Variants in CEP85L observed in about 807,000 individuals in gnomAD.
The protein encoded by CEP85L is centrosomal protein 85L.
Under a neutral mutation model 100.3 loss-of-function variants are expected in CEP85L, and 60 were observed. That is an observed-to-expected ratio of 0.60 (90% CI 0.49 to 0.74). CEP85L has a LOEUF of 0.74. CEP85L is among the 30% of genes least tolerant of loss of function. CEP85L has a pLI of 0.00. For missense variants in CEP85L, 973 were observed against 936.2 expected (o/e 1.04, Z -0.51); for synonymous variants, 319 against 322.7 (o/e 0.99, Z 0.12).
intron 3 of CEP85L, chr6:118,538,059 T>A (rs1213596281): frequency 4.2e-6 from 2 of 477,470 alleles, no homozygotes; most frequent in South Asian, 9.1e-5. Context: ...AATTATGTTA[T>A]TACTAAAAGA....
At chr6:118,528,204 CTTTTCT>C (rs912819877) in intron 3 of CEP85L, among the ~76,000 whole-genome samples, 1 of 147,950 alleles carries the variant, frequency 6.8e-6, no homozygotes, top group Non-Finnish European at 1.5e-5. Flanking sequence ...AGTGGCTTTT[CTTTTCT>C]TTTTCTTTTT....
At chr6:118,491,959 T>C (rs1268267003) in intron 5 of CEP85L, 94 bp from the exon 6 acceptor site, 1 of 848,488 alleles carries the variant, frequency 1.2e-6, no homozygotes. Flanking sequence ...AAGGAGTACA[T>C]ATAGGCTACA....
At chr6:118,623,412 T>C (rs1583184336) in intron 2 of CEP85L, among the ~76,000 whole-genome samples, 2 of 152,204 alleles carry the variant, frequency 1.3e-5, no homozygotes, top group African/African-American at 4.8e-5. Context: ...TCTTACTTCA[T>C]GAAATAATTC....
At chr6:118,497,292 A>G (rs1221866758) in intron 5 of CEP85L, among the ~76,000 whole-genome samples, 1 of 152,170 alleles carries the variant, frequency 6.6e-6, no homozygotes, top group East Asian at 1.9e-4. Context: ...CATTTCCAAC[A>G]TCATATCTTT....
chr6:118,470,822 C>A (rs1258885562), intron 10 of CEP85L, among the ~76,000 whole-genome samples, 178 bp from the exon 11 acceptor site: 3 of 151,906 alleles, frequency 2.0e-5, no homozygotes, highest in Non-Finnish European at 4.4e-5. Flanking sequence ...GTGGCTGAAT[C>A]CAAATAAAAA....
chr6:118,584,821 T>C (rs913796993), intron 2 of CEP85L, among the ~76,000 whole-genome samples: 1 of 152,214 alleles, frequency 6.6e-6, no homozygotes, highest in African/African-American at 2.4e-5. Flanking sequence ...ACTGCACTTT[T>C]GGGGGAGCCT....
intron 1 of CEP85L, among the ~76,000 whole-genome samples, chr6:118,678,288 C>T (rs556373028): frequency 4.6e-5 from 7 of 152,318 alleles, no homozygotes; most frequent in South Asian, 2.1e-4. Flanking sequence ...GTGGGAGCCA[C>T]GGCTTTGTAA....
At chr6:118,659,271 C>G (rs1775894701) in intron 1 of CEP85L, among the ~76,000 whole-genome samples, 1 of 152,260 alleles carries the variant, frequency 6.6e-6, no homozygotes, top group South Asian at 2.1e-4. Context: ...ACTCCTCATG[C>G]ATATGCTGTG....
intron 10 of CEP85L, among the ~76,000 whole-genome samples, chr6:118,477,754 A>G (rs2114498982): frequency 6.6e-6 from 1 of 152,258 alleles, no homozygotes; most frequent in African/African-American, 2.4e-5. Flanking sequence ...TAGAATGGAA[A>G]AACCAAGCAC....
intron 6 of CEP85L, among the ~76,000 whole-genome samples, chr6:118,486,678 A>G (rs534915814): frequency 6.6e-6 from 1 of 152,206 alleles, no homozygotes; most frequent in South Asian, 2.1e-4. Flanking sequence ...TGCCCTCTAC[A>G]TCTATCCCCT....
chr6:118,706,456 T>A (rs920274116), intron 1 of CEP85L, among the ~76,000 whole-genome samples: 2 of 152,196 alleles, frequency 1.3e-5, no homozygotes, highest in Non-Finnish European at 2.9e-5. Context: ...TTGGCAAGCT[T>A]TTTCTTTCTA....
At chr6:118,514,772 G>C (rs1453431195) in intron 4 of CEP85L, among the ~76,000 whole-genome samples, 1 of 151,752 alleles carries the variant, frequency 6.6e-6, no homozygotes, top group East Asian at 1.9e-4. Context: ...AAGAGAGCCA[G>C]AGTAACTATA....
At position 118,567,233 on chromosome 6, in the gene CEP85L, GTGTGTGTGTGTGTGTGTATATATATATA is replaced by G. The variant is rs1374584144; in HGVS notation, c.233-945_233-918del. 6.7e-3 allele frequency among the ~76,000 whole-genome samples: 572 copies of G among 85,878 alleles called. 3 individuals carry two copies. The highest frequency in any genetic ancestry group is 0.019 in the African/African-American group (436 of 23,292). The allele number at this position is 85,878 out of a possible 152,430, so 56.3% of individuals were successfully genotyped here. On this transcript the variant is annotated intron_variant, in intron 2 of 12. Coordinates refer to ENST00000368491, the MANE Select transcript of CEP85L (RefSeq NM_001042475.3). ...TATGTGTGTGTGTGTGTGTGTGTGTGTGTGTGTGTGTGTGTGTATATATATATATATATATATATATATATATATATAT... is the reference window on the plus strand; with the variant it reads ...TATGTGTGTGTGTGTGTGTGTGTGTGTATATATATATATATATATATATAT...
In CEP85L at chr6:118,465,167, AT is replaced by A. The variant is rs1355700170; in HGVS notation, c.*237del. 14 of 442,828 alleles carry A rather than the reference AT, an allele frequency of 3.2e-5. No homozygotes were observed. The highest frequency in any genetic ancestry group is 4.4e-5 in the Non-Finnish European group (11 of 248,492). 27.4% of individuals were successfully genotyped at this position (442,828 alleles called of 1,614,324 possible). A position where few individuals can be genotyped will look rare whatever the true frequency, so the allele number is the denominator to read the frequency against. On this transcript the variant is annotated 3_prime_UTR_variant, in exon 13 of 13. Coordinates refer to ENST00000368491, the MANE Select transcript of CEP85L (RefSeq NM_001042475.3). ...CAATCAGTAGTTTGAGAATATAGAC[AT>A]TTTTTTCCTTGTAGATTTTATCATA...
intron 5 of CEP85L, among the ~76,000 whole-genome samples, chr6:118,507,479 G>A (rs1472032704): frequency 6.6e-6 from 1 of 152,094 alleles, no homozygotes; most frequent in East Asian, 1.9e-4. Context: ...TACTTTGGAG[G>A]TGAAAGATGG....
intron 3 of CEP85L, chr6:118,560,212 AT>A: frequency 6.0e-6 from 1 of 167,110 alleles, no homozygotes. Context: ...GGAGCTGACA[AT>A]TCGTGGGTCC....
intron 1 of CEP85L, among the ~76,000 whole-genome samples, chr6:118,694,190 C>T (rs577446661): frequency 2.6e-5 from 4 of 152,238 alleles, no homozygotes; most frequent in Non-Finnish European, 4.4e-5. Context: ...AACTCCTCTC[C>T]CAAGAGAAAC....
intron 2 of CEP85L, among the ~76,000 whole-genome samples, chr6:118,574,281 A>G (rs564622194): frequency 6.6e-6 from 1 of 152,358 alleles, no homozygotes; most frequent in East Asian, 1.9e-4. Flanking sequence ...GAAAAGTTTA[A>G]GTCTTAGCCA....
chr6:118,530,812 C>T (rs1777248261), intron 3 of CEP85L, among the ~76,000 whole-genome samples: 2 of 151,324 alleles, frequency 1.3e-5, no homozygotes, highest in Non-Finnish European at 1.5e-5. Context: ...AGTAAAAGAG[C>T]TCTACAACAA....
Sources: gnomAD v4.1 joint callset for allele counts (sites outside exome capture counted in the v4.1 genomes callset) on GRCh38, gnomAD v4.1.1 for gene constraint, MANE v1.5 for transcripts, NCBI Gene and HGNC (gene_info 2026-07-23, HGNC 2026-07-21) for gene names.